The following PPARGC1A variants were observed in gnomAD, a reference collection of about 807,000 sequenced individuals.
PPARGC1A encodes the protein peroxisome proliferator-activated receptor gamma coactivator 1-alpha.
Under a neutral mutation model 88.7 loss-of-function variants are expected in PPARGC1A, and 25 were observed. The ratio of observed to expected loss-of-function variants is 0.28; its 90% confidence interval spans 0.21 to 0.39. PPARGC1A has a LOEUF of 0.39. Among genes scored for constraint, PPARGC1A ranks in the 10% least tolerant of loss-of-function variants. The pLI is 1.00. For missense variants in PPARGC1A, 880 were observed against 968.7 expected, an observed-to-expected ratio of 0.91 and a Z score of 1.22; for synonymous variants, 363 against 355.6, an observed-to-expected ratio of 1.02 and a Z score of -0.24.
At chr4:23,998,015 G>T in the PPARGC1A span, among the ~76,000 whole-genome samples, 3 of 152,258 alleles carry the variant, frequency 2.0e-5, no homozygotes, top group African/African-American at 7.2e-5. Context: ...AGCCATAATT[G>T]TCTACATCAG....
chr4:24,431,726 C>T, the PPARGC1A span, among the ~76,000 whole-genome samples: 8 of 152,136 alleles, frequency 5.3e-5, no homozygotes, highest in African/African-American at 1.9e-4. Flanking sequence ...CCTGTTTCCT[C>T]CACTAGAATA....
the PPARGC1A span, among the ~76,000 whole-genome samples, chr4:24,362,142 T>C: frequency 1.3e-5 from 2 of 152,196 alleles, no homozygotes; most frequent in South Asian, 2.1e-4. Context: ...GAAGAGACTA[T>C]AGTCATGGGT....
chr4:23,924,614 T>A, the PPARGC1A span, among the ~76,000 whole-genome samples: 1 of 152,104 alleles, frequency 6.6e-6, no homozygotes, highest in African/African-American at 2.4e-5. Flanking sequence ...AGAGCGAGAC[T>A]CCATCTCGAA....
At chr4:24,241,881 A>T in the PPARGC1A span, among the ~76,000 whole-genome samples, 1 of 152,208 alleles carries the variant, frequency 6.6e-6, no homozygotes, top group Non-Finnish European at 1.5e-5. Flanking sequence ...TGGCTTCTGT[A>T]TGTGGTTGAA....
the PPARGC1A span, among the ~76,000 whole-genome samples, chr4:24,466,283 G>C: frequency 6.6e-6 from 1 of 152,216 alleles, no homozygotes; most frequent in African/African-American, 2.4e-5. Flanking sequence ...AAACAAAGGA[G>C]ATATTCACTA....
the PPARGC1A span, among the ~76,000 whole-genome samples, chr4:24,270,016 GT>G: frequency 2.6e-5 from 4 of 152,176 alleles, no homozygotes; most frequent in African/African-American, 9.7e-5. Flanking sequence ...TTATGAGAGT[GT>G]TTCTGGATAA....
At chr4:24,366,591 A>G in the PPARGC1A span, among the ~76,000 whole-genome samples, 9 of 152,134 alleles carry the variant, frequency 5.9e-5, no homozygotes, top group Non-Finnish European at 1.0e-4. Context: ...ACCTTATACC[A>G]ATTAAACTAG....
At chr4:23,928,173 G>A in the PPARGC1A span, among the ~76,000 whole-genome samples, 124 of 152,268 alleles carry the variant, frequency 8.1e-4, no homozygotes, top group South Asian at 7.3e-3. Context: ...CTGGTGCTTC[G>A]TTCGTTCAAG....
chr4:24,238,739 T>TTGTGTG, the PPARGC1A span, among the ~76,000 whole-genome samples: 3 of 129,896 alleles, frequency 2.3e-5, 1 homozygote, highest in East Asian at 4.7e-4. Flanking sequence ...CAATCCAAGG[T>TTGTGTG]TGTATATGTG....
the PPARGC1A span, among the ~76,000 whole-genome samples, chr4:24,132,657 G>C: frequency 1.3e-5 from 2 of 152,172 alleles, no homozygotes; most frequent in African/African-American, 4.8e-5. Flanking sequence ...CCTTTGCATT[G>C]GGGTCTTGAA....
At chr4:24,256,886 G>T in the PPARGC1A span, among the ~76,000 whole-genome samples, 2 of 152,138 alleles carry the variant, frequency 1.3e-5, no homozygotes, top group Admixed American at 6.6e-5. Context: ...AGTGCTGCTT[G>T]TTAAGAAAGA....
chr4:23,912,055 T>C, the PPARGC1A span, among the ~76,000 whole-genome samples: 1 of 152,194 alleles, frequency 6.6e-6, no homozygotes. Context: ...TCTGTAAAGA[T>C]ATCCAATATG....
the PPARGC1A span, among the ~76,000 whole-genome samples, chr4:23,996,145 C>T: frequency 6.6e-6 from 1 of 152,094 alleles, no homozygotes; most frequent in African/African-American, 2.4e-5. Flanking sequence ...CATCTCCTAC[C>T]TTTGATTAAC....
At chr4:24,310,939 T>C in the PPARGC1A span, among the ~76,000 whole-genome samples, 2 of 152,002 alleles carry the variant, frequency 1.3e-5, no homozygotes, top group African/African-American at 4.8e-5. Context: ...CTCAATGAGG[T>C]AAAAGAATGC....
At chr4:23,863,465 T>G (rs908641332) in intron 2 of PPARGC1A, among the ~76,000 whole-genome samples, 3 of 152,130 alleles carry the variant, frequency 2.0e-5, no homozygotes, top group African/African-American at 7.2e-5. Context: ...CTCATGTTAA[T>G]TTAGTACAAT....
At chr4:24,060,480 C>T in the PPARGC1A span, among the ~76,000 whole-genome samples, 1 of 152,148 alleles carries the variant, frequency 6.6e-6, no homozygotes, top group Admixed American at 6.5e-5. Flanking sequence ...ATCAGATAAA[C>T]ATTTGTCTAA....
the PPARGC1A span, among the ~76,000 whole-genome samples, chr4:24,221,333 T>C: frequency 6.6e-6 from 1 of 152,198 alleles, no homozygotes; most frequent in Admixed American, 6.5e-5. Context: ...TTGTTCATTT[T>C]ATTTAATCTT....
At chr4:24,387,867 AGG>A in the PPARGC1A span, among the ~76,000 whole-genome samples, 1 of 115,470 alleles carries the variant, frequency 8.7e-6, no homozygotes, top group Non-Finnish European at 1.9e-5. Flanking sequence ...AAAGAGAGAA[AGG>A]AAGAAAGAGA....
chr4:24,162,144 C>T, the PPARGC1A span, among the ~76,000 whole-genome samples: 1 of 152,064 alleles, frequency 6.6e-6, no homozygotes, highest in Non-Finnish European at 1.5e-5. Flanking sequence ...TATTCTCACT[C>T]ATAAATGGGA....
Sources: gnomAD v4.1 joint callset for allele counts (sites outside exome capture counted in the v4.1 genomes callset) on GRCh38, gnomAD v4.1.1 for gene constraint, MANE v1.5 for transcripts, NCBI Gene and HGNC (gene_info 2026-07-23, HGNC 2026-07-21) for gene names.